The following CADPS variants were observed in gnomAD, a reference collection of about 807,000 sequenced individuals.
CADPS encodes the protein calcium dependent secretion activator.
A neutral mutation model predicts 167.3 loss-of-function variants in CADPS; 57 were observed. The ratio of observed to expected loss-of-function variants is 0.34; its 90% CI spans 0.28 to 0.42. The LOEUF (loss-of-function observed/expected upper bound fraction) is 0.42. CADPS is among the 20% of genes least tolerant of loss of function. The pLI, the probability that CADPS is intolerant of heterozygous loss-of-function variation, is 1.00. For synonymous variants in CADPS, 676 were observed against 635.3 expected (o/e 1.06, Z -0.96); for missense variants, 1,414 against 1,738.1 (o/e 0.81, Z 3.32).
intron 4 of CADPS, among the ~76,000 whole-genome samples, chr3:62,660,541 C>T (rs1365285518): frequency 6.6e-6 from 1 of 152,170 alleles, no homozygotes; most frequent in Non-Finnish European, 1.5e-5. Context: ...TTCAGTAAAA[C>T]TGCTTAAGCA....
intron 1 of CADPS, among the ~76,000 whole-genome samples, chr3:62,774,517 A>T (rs2089782491): frequency 6.6e-6 from 1 of 152,196 alleles, no homozygotes; most frequent in Non-Finnish European, 1.5e-5. Context: ...GAGGACTGCA[A>T]GGAGGTTTTG....
rs574087958 is a variant in CADPS, at chr3:62,769,822, C to T, written c.442-3838G>A. On this transcript the variant is annotated intron_variant, in intron 1 of 29. Transcript: ENST00000383710. ...ACAGGTTCAAGTCCTGGTGATACCACTCACTTCCAGGCTGCATGACCTTAG... is the reference window on the plus strand; with the variant it reads ...ACAGGTTCAAGTCCTGGTGATACCATTCACTTCCAGGCTGCATGACCTTAG... 3.6e-4 allele frequency among the ~76,000 whole-genome samples: 55 copies of T among 152,276 alleles called. 3 individuals are homozygous for T. The South Asian group carries it at 0.01, about 29-fold the overall frequency.
At chr3:62,682,443 G>A (rs948424060) in intron 3 of CADPS, among the ~76,000 whole-genome samples, 1 of 152,032 alleles carries the variant, frequency 6.6e-6, no homozygotes, top group Non-Finnish European at 1.5e-5. Context: ...CCTTCTGCAA[G>A]GACTTTCTTC....
intron 3 of CADPS, among the ~76,000 whole-genome samples, chr3:62,693,869 G>C (rs1021968834): frequency 6.6e-6 from 1 of 151,606 alleles, no homozygotes; most frequent in Non-Finnish European, 1.5e-5. Context: ...TTCACTTTCT[G>C]TTTCATGATC....
At chr3:62,674,345 T>G (rs2150871497) in intron 3 of CADPS, among the ~76,000 whole-genome samples, 1 of 152,282 alleles carries the variant, frequency 6.6e-6, no homozygotes, top group South Asian at 2.1e-4. Context: ...TAATTTCCAG[T>G]CCCAGGCTGA....
At chr3:62,658,801 A>C (rs2072397853) in intron 4 of CADPS, among the ~76,000 whole-genome samples, 1 of 152,156 alleles carries the variant, frequency 6.6e-6, no homozygotes, top group African/African-American at 2.4e-5. Context: ...TAGATTGGTT[A>C]ACTGCACCAG....
intron 3 of CADPS, among the ~76,000 whole-genome samples, chr3:62,739,432 GT>G (rs1338023515): frequency 6.6e-6 from 1 of 152,184 alleles, no homozygotes; most frequent in Non-Finnish European, 1.5e-5. Context: ...AAGCAATTGA[GT>G]TTAAGGATTG....
intron 3 of CADPS, among the ~76,000 whole-genome samples, chr3:62,669,567 A>T (rs535820665): frequency 9.8e-5 from 15 of 152,304 alleles, no homozygotes; most frequent in Admixed American, 2.0e-4. Context: ...CCTTAAATGT[A>T]GAGCCTGTAG....
rs2073448970 is a variant in CADPS at position 62,662,338 on chromosome 3, T to C, written c.945A>G (p.Leu315=). The C allele has an allele frequency of 6.2e-7, 1 of 1,613,956 alleles. No homozygotes were observed. The highest frequency in any genetic ancestry group is 1.3e-5 in the African/African-American group (1 of 75,038). The change falls in exon 4 of 30, where the codon CTA becomes CTG. Residue 315 remains leucine, a synonymous_variant. Coordinates refer to ENST00000383710, the MANE Select transcript of CADPS (RefSeq NM_003716.4). ...AQIRRELDGR[L]QMADQIARER... is the part of the protein sequence containing the mutation. ...CCCTGGCTATTTGGTCTGCCATTTGTAGACGTCCATCCAGCTCTCGTCTGA... is the reference window on the plus strand; with the variant it reads ...CCCTGGCTATTTGGTCTGCCATTTGCAGACGTCCATCCAGCTCTCGTCTGA...
chr3:62,729,217 C>T (rs988777455), intron 3 of CADPS, among the ~76,000 whole-genome samples: 1 of 151,794 alleles, frequency 6.6e-6, no homozygotes, highest in Non-Finnish European at 1.5e-5. Context: ...ATTGCTCTCT[C>T]TCAATGTTTG....
At chr3:62,692,544 CTT>C (rs1451775860) in intron 3 of CADPS, among the ~76,000 whole-genome samples, 9 of 152,046 alleles carry the variant, frequency 5.9e-5, no homozygotes, top group Non-Finnish European at 1.0e-4. Context: ...TTATTCCAGT[CTT>C]TTGGAAATCC....
chr3:62,780,407 C>T (rs2091348854), intron 1 of CADPS, among the ~76,000 whole-genome samples: 2 of 151,860 alleles, frequency 1.3e-5, no homozygotes, highest in Admixed American at 1.3e-4. Flanking sequence ...GACAGAGACA[C>T]ATTTCAAAAA....
intron 3 of CADPS, among the ~76,000 whole-genome samples, chr3:62,721,139 A>ATTTTTTTTT (rs1268261563): frequency 8.9e-6 from 1 of 112,972 alleles, no homozygotes; most frequent in African/African-American, 4.0e-5. Context: ...TTTTTTAAAA[A>ATTTTTTTTT]AAAAAAGAAG....
chr3:62,618,526 GT>G (rs1358923242), intron 6 of CADPS, among the ~76,000 whole-genome samples: 1 of 152,124 alleles, frequency 6.6e-6, no homozygotes, highest in Non-Finnish European at 1.5e-5. Context: ...TTGGAGTTCT[GT>G]TAATTGCACC....
intron 5 of CADPS, 84 bp downstream of exon 5, chr3:62,650,763 A>T (rs895691992): frequency 4.0e-6 from 4 of 1,010,618 alleles, no homozygotes; most frequent in Non-Finnish European, 6.0e-6. Context: ...GTGCAACAGA[A>T]AAAACAAGCT....
chr3:62,660,528 C>G (rs960345041), intron 4 of CADPS, among the ~76,000 whole-genome samples: 3 of 152,304 alleles, frequency 2.0e-5, no homozygotes, highest in Middle Eastern at 3.4e-3. Flanking sequence ...AGATGCAAAA[C>G]ATTTCAGTAA....
At chr3:62,746,700 T>A (rs2081529852) in intron 3 of CADPS, among the ~76,000 whole-genome samples, 1 of 152,166 alleles carries the variant, frequency 6.6e-6, no homozygotes, top group South Asian at 2.1e-4. Flanking sequence ...ACTCTCTCTC[T>A]CCCTGTTGCT....
chr3:62,724,378 G>A (rs908608534), intron 3 of CADPS, among the ~76,000 whole-genome samples: 29 of 151,792 alleles, frequency 1.9e-4, no homozygotes, highest in Non-Finnish European at 3.5e-4. Flanking sequence ...AAGTTCCCAG[G>A]TTTGGGGATT....
At chr3:62,797,666 G>A (rs980461585) in intron 1 of CADPS, among the ~76,000 whole-genome samples, 6 of 152,000 alleles carry the variant, frequency 3.9e-5, no homozygotes, top group Admixed American at 2.6e-4. Flanking sequence ...GCCTGTTGGA[G>A]GGTGAAAGGT....
Sources: gnomAD v4.1 joint callset for allele counts (sites outside exome capture counted in the v4.1 genomes callset) on GRCh38, gnomAD v4.1.1 for gene constraint, MANE v1.5 for transcripts, NCBI Gene and HGNC (gene_info 2026-07-23, HGNC 2026-07-21) for gene names.